TAF12: variants seen among roughly 807,000 people sequenced by gnomAD.
The protein encoded by TAF12 is TATA-box binding protein associated factor 12.
Under a neutral mutation model 20.8 loss-of-function variants are expected in TAF12, and 3 were observed. That is an observed-to-expected ratio of 0.14 (90% CI 0.07 to 0.37). The LOEUF (loss-of-function observed/expected upper bound fraction) is 0.37. Among genes scored for constraint, TAF12 ranks in the 10% least tolerant of loss-of-function variants. The pLI, the probability that TAF12 is intolerant of heterozygous loss-of-function variation, is 1.00. For synonymous variants in TAF12, 69 were observed against 70.2 expected (o/e 0.98, Z 0.09); for missense variants, 131 against 197.9 (o/e 0.66, Z 2.03).
chr1:28,609,739 G>A (rs1054251731), intron 4 of TAF12, among the ~76,000 whole-genome samples: 1 of 151,884 alleles, frequency 6.6e-6, no homozygotes, highest in Non-Finnish European at 1.5e-5. Context: ...CGCCCACCTT[G>A]GCCTCCCAAA....
upstream of TAF12, among the ~76,000 whole-genome samples, chr1:28,645,669 CA>C (rs1229845123): frequency 6.7e-6 from 1 of 148,166 alleles, no homozygotes; most frequent in African/African-American, 2.5e-5. Context: ...ACAACAACAA[CA>C]AAAAAACAGA....
chr1:28,637,930 C>A (rs905479247), intron 1 of TAF12, among the ~76,000 whole-genome samples: 7 of 152,074 alleles, frequency 4.6e-5, no homozygotes, highest in Non-Finnish European at 1.0e-4. Context: ...GTAGGAGGAT[C>A]ACTTGCTGAT....
chr1:28,623,487 A>AAAT (rs1557465747), intron 1 of TAF12, among the ~76,000 whole-genome samples: 6 of 149,628 alleles, frequency 4.0e-5, no homozygotes, highest in African/African-American at 1.2e-4. Context: ...AATAATAATA[A>AAAT]AAATAAATAA....
chr1:28,643,105 G>A, upstream of TAF12: 1 of 985,896 alleles, frequency 1.0e-6, no homozygotes, highest in Non-Finnish European at 1.2e-6. Flanking sequence ...ACCGCTCCCC[G>A]CCTCCAACCC....
intron 2 of TAF12, among the ~76,000 whole-genome samples, chr1:28,620,766 A>T (rs1667196842): frequency 6.6e-6 from 1 of 152,098 alleles, no homozygotes; most frequent in Non-Finnish European, 1.5e-5. Flanking sequence ...GTGAGCTATG[A>T]TTATACCATT....
chr1:28,640,426 A>G (rs1667993138), intron 1 of TAF12, among the ~76,000 whole-genome samples: 1 of 152,206 alleles, frequency 6.6e-6, no homozygotes, highest in African/African-American at 2.4e-5. Flanking sequence ...TCCACTTAGA[A>G]GAGTAGAAAA....
At chr1:28,619,939 ACT>A (rs1367982176) in intron 2 of TAF12, among the ~76,000 whole-genome samples, 2 of 150,488 alleles carry the variant, frequency 1.3e-5, no homozygotes, top group Non-Finnish European at 3.0e-5. Flanking sequence ...ATAGAGCGAG[ACT>A]CTGTCTCAAA....
chr1:28,634,971 A>G (rs2124376845), intron 1 of TAF12, among the ~76,000 whole-genome samples: 1 of 150,818 alleles, frequency 6.6e-6, no homozygotes, highest in East Asian at 2.0e-4. Flanking sequence ...TCATGCCTGT[A>G]ATCCCAGCAC....
chr1:28,619,174 G>A (rs1272870959), intron 2 of TAF12, among the ~76,000 whole-genome samples: 1 of 152,060 alleles, frequency 6.6e-6, no homozygotes, highest in Non-Finnish European at 1.5e-5. Context: ...GCAACATGGC[G>A]AGACTGCATC....
In TAF12 at chr1:28,631,728, CA is replaced by C. The variant is rs576312582; in HGVS notation, c.-84-9564del. ...CCCTTCATCAAAGATAAACAAATGG[CA>C]AATAGGCACATGAAAAGATGCTCAA... On this transcript the variant is annotated intron_variant, in intron 1 of 5. Transcript: ENST00000373824. Among the ~76,000 whole-genome samples, 6 of 152,094 alleles carry C rather than the reference CA, an allele frequency of 3.9e-5. No homozygotes were observed. In the East Asian group the frequency reaches 1.2e-3, roughly 29 times the overall value.
intron 1 of TAF12, among the ~76,000 whole-genome samples, chr1:28,639,340 C>G (rs1030475069): frequency 2.7e-5 from 4 of 146,718 alleles, no homozygotes; most frequent in Non-Finnish European, 6.0e-5. Flanking sequence ...CGCTTGAACC[C>G]GGGAGGTGAA....
chr1:28,625,408 T>C (rs1667347607), intron 1 of TAF12, among the ~76,000 whole-genome samples: 2 of 152,126 alleles, frequency 1.3e-5, no homozygotes, highest in African/African-American at 4.8e-5. Flanking sequence ...TCTCATTTTG[T>C]AGGACAGGCT....
intron 1 of TAF12, among the ~76,000 whole-genome samples, chr1:28,642,430 G>A (rs1012646795): frequency 6.6e-6 from 1 of 151,954 alleles, no homozygotes; most frequent in Non-Finnish European, 1.5e-5. Flanking sequence ...GCCCTGTTCC[G>A]AGACTCAGGA....
intron 4 of TAF12, among the ~76,000 whole-genome samples, chr1:28,611,974 T>C (rs561745598): frequency 1.3e-5 from 2 of 152,256 alleles, no homozygotes; most frequent in South Asian, 4.1e-4. Context: ...CATTAATGGA[T>C]AACCAAAATA....
Position 28,622,159 on chromosome 1 carries a change from C to A in TAF12, c.-78G>T. 1 of 1,512,212 alleles carries A rather than the reference C, an allele frequency of 6.6e-7. No individual in the cohort carries two copies. Among genetic ancestry groups the A allele is most frequent in the Non-Finnish European group, 8.8e-7 (1 of 1,136,604 alleles). 93.7% of individuals were successfully genotyped at this position (1,512,212 alleles called of 1,614,324 possible). A position where few individuals can be genotyped will look rare whatever the true frequency, so the allele number is the denominator to read the frequency against. ...TTTTTGGAGCTGTGAGGACCAAGGC[C>A]AATTAACTGGAGAAGAAAAGCACAA... is the stretch of plus-strand genomic sequence containing the variant. On this transcript the variant is annotated 5_prime_UTR_variant, in exon 2 of 6. Transcript: ENST00000373824.
chr1:28,627,432 G>A (rs1160640224), intron 1 of TAF12, among the ~76,000 whole-genome samples: 1 of 150,022 alleles, frequency 6.7e-6, no homozygotes, highest in African/African-American at 2.5e-5. Flanking sequence ...GGTGGCTCAC[G>A]CTTGTAATCC....
chr1:28,619,220 G>A (rs1483860514), intron 2 of TAF12, among the ~76,000 whole-genome samples: 1 of 151,646 alleles, frequency 6.6e-6, no homozygotes, highest in Non-Finnish European at 1.5e-5. Flanking sequence ...ATGGCTGGGT[G>A]CAGTGGCTCA....
chr1:28,613,944 T>C (rs1666947959), intron 3 of TAF12, among the ~76,000 whole-genome samples: 1 of 152,144 alleles, frequency 6.6e-6, no homozygotes, highest in Non-Finnish European at 1.5e-5. Context: ...CCCATCTGTA[T>C]TTAAAAATAA....
chr1:28,621,919 T>C lies in TAF12; in HGVS notation c.163A>G (p.Asn55Asp). The C allele has an allele frequency of 1.9e-6, 3 of 1,613,222 alleles. No individual in the cohort carries two copies. The highest frequency in any genetic ancestry group is 2.5e-6 in the Non-Finnish European group (3 of 1,179,768). The change falls in exon 2 of 6, where the codon AAT (asparagine) becomes GAT (aspartate). Residue 55 changes from asparagine (N) to aspartate (D), a missense_variant. Physicochemically the swap from Asn to Asp is conservative, Grantham distance 23. Around this residue, in one of 3 missense-constraint regions of TAF12, gnomAD observed 63 missense variants for 72.1 expected, o/e 0.87. Transcript: ENST00000373824. The part of the protein sequence containing the change: ...GAGGRLSPEN[N>D]QVLTKKKLQD... ...AAAGAGTAAGAGGATGATACCTGAT[T>C]GTTTTCAGGGCTAAGACGACCTCCT...
Sources: allele counts gnomAD v4.1 joint callset (sites outside exome capture counted in the v4.1 genomes callset), GRCh38; gene constraint gnomAD v4.1.1; regional missense constraint gnomAD v4.1.1; transcripts MANE v1.5; gene names NCBI Gene and HGNC (gene_info 2026-07-23, HGNC 2026-07-21).